SDHAF3: variants seen among roughly 807,000 people sequenced by gnomAD.
SDHAF3 encodes succinate dehydrogenase assembly factor 3, mitochondrial.
Under a neutral mutation model 11.5 loss-of-function variants are expected in SDHAF3, and 18 were observed. The observed-to-expected ratio is 1.56, with a 90% confidence interval of 1.08 to 2.32. SDHAF3 has a LOEUF of 2.32. Ranked by LOEUF, SDHAF3 falls within the 30% of genes most tolerant of loss-of-function variation. The pLI is 0.00. For missense variants in SDHAF3, 200 were observed against 154.4 expected (o/e 1.30, Z -1.57); for synonymous variants, 72 against 59.3 (o/e 1.21, Z -0.99).
At chr7:97,124,954 CCTCT>C (rs1302563634) in intron 1 of SDHAF3, among the ~76,000 whole-genome samples, 3 of 152,088 alleles carry the variant, frequency 2.0e-5, no homozygotes, top group Admixed American at 6.6e-5. Flanking sequence ...AGTTTGACTT[CCTCT>C]CTTCTTATTT....
In SDHAF3 at chr7:97,131,887, AG is replaced by A. The variant is rs564010955; in HGVS notation, c.174+13991del. 1.6e-4 allele frequency among the ~76,000 whole-genome samples: 24 copies of A among 152,332 alleles called. 2 individuals are homozygous for A. The East Asian group carries it at 3.9e-3, about 24-fold the overall frequency. ...TAAATTACTGTAGATATCCAATGAT[AG>A]AATAATGAAATTATAGCCACATGAT... On this transcript the variant is annotated intron_variant, in intron 1 of 1. Transcript: ENST00000432641.
At chr7:97,126,040 T>C (rs1791568159) in intron 1 of SDHAF3, among the ~76,000 whole-genome samples, 1 of 152,240 alleles carries the variant, frequency 6.6e-6, no homozygotes, top group South Asian at 2.1e-4. Flanking sequence ...CTGTTTGTTT[T>C]TCTTCTAATA....
intron 1 of SDHAF3, among the ~76,000 whole-genome samples, chr7:97,140,368 T>C (rs1337597740): frequency 8.3e-6 from 1 of 120,498 alleles, no homozygotes; most frequent in Non-Finnish European, 1.6e-5. Context: ...TTTTTTGAGA[T>C]GGAGTCTCGC....
chr7:97,173,361 C>G (rs1220866508), intron 1 of SDHAF3, among the ~76,000 whole-genome samples: 1 of 151,942 alleles, frequency 6.6e-6, no homozygotes, highest in East Asian at 1.9e-4. Context: ...ATATAATGAA[C>G]CACTGTGTAC....
chr7:97,177,274 G>A (rs532508564), intron 1 of SDHAF3, among the ~76,000 whole-genome samples: 23 of 151,904 alleles, frequency 1.5e-4, no homozygotes, highest in Non-Finnish European at 2.5e-4. Flanking sequence ...AGGCTGAGGC[G>A]GGTGGATCAT....
At chr7:97,169,977 T>C (rs929321692) in intron 1 of SDHAF3, among the ~76,000 whole-genome samples, 2 of 152,182 alleles carry the variant, frequency 1.3e-5, no homozygotes, top group African/African-American at 4.8e-5. Flanking sequence ...TACATTCTTA[T>C]CTAATTGGAT....
intron 1 of SDHAF3, among the ~76,000 whole-genome samples, chr7:97,140,040 A>G (rs1349737635): frequency 6.6e-6 from 1 of 152,206 alleles, no homozygotes; most frequent in Admixed American, 6.5e-5. Flanking sequence ...GACATTAAAA[A>G]CTGTGCAAAA....
chr7:97,145,151 T>G (rs949470505), intron 1 of SDHAF3, among the ~76,000 whole-genome samples: 4 of 151,998 alleles, frequency 2.6e-5, no homozygotes, highest in Non-Finnish European at 4.4e-5. Flanking sequence ...TTTGTGTACA[T>G]TAATCTAGTA....
At chr7:97,160,092 G>A (rs1028315075) in intron 1 of SDHAF3, among the ~76,000 whole-genome samples, 1 of 150,890 alleles carries the variant, frequency 6.6e-6, no homozygotes, top group African/African-American at 2.4e-5. Flanking sequence ...AGTGAGGAGC[G>A]CCTCTGCCCG....
chr7:97,163,313 T>C (rs1356263116), intron 1 of SDHAF3, among the ~76,000 whole-genome samples: 1 of 152,116 alleles, frequency 6.6e-6, no homozygotes, highest in East Asian at 1.9e-4. Flanking sequence ...AGCTAATTTT[T>C]GTGTTTTTAG....
chr7:97,154,888 A>G (rs1465930064), intron 1 of SDHAF3, among the ~76,000 whole-genome samples: 1 of 152,162 alleles, frequency 6.6e-6, no homozygotes, highest in Non-Finnish European at 1.5e-5. Flanking sequence ...GTAATTTGTT[A>G]AAAGACTATT....
chr7:97,121,843 T>G (rs1053469325), intron 1 of SDHAF3, among the ~76,000 whole-genome samples: 11 of 131,648 alleles, frequency 8.4e-5, no homozygotes, highest in African/African-American at 1.3e-4. Flanking sequence ...GTTTTTTGGT[T>G]TTTTTTTTTT....
chr7:97,132,928 T>A (rs1313705837), intron 1 of SDHAF3, among the ~76,000 whole-genome samples: 1 of 152,206 alleles, frequency 6.6e-6, no homozygotes, highest in East Asian at 1.9e-4. Context: ...GGCAGCAGAC[T>A]CACATTACTT....
intron 1 of SDHAF3, among the ~76,000 whole-genome samples, chr7:97,168,443 G>GTAAAC (rs920272382): frequency 6.6e-6 from 1 of 152,186 alleles, no homozygotes; most frequent in Non-Finnish European, 1.5e-5. Context: ...GTTTAAAACT[G>GTAAAC]TAAACTAAAT....
intron 1 of SDHAF3, among the ~76,000 whole-genome samples, chr7:97,119,527 C>T (rs1791459740): frequency 6.6e-6 from 1 of 152,168 alleles, no homozygotes; most frequent in East Asian, 1.9e-4. Context: ...TTCCCTACAT[C>T]CTGTTTCCCC....
chr7:97,172,325 A>G (rs1369992142), intron 1 of SDHAF3, among the ~76,000 whole-genome samples: 1 of 151,398 alleles, frequency 6.6e-6, no homozygotes, highest in African/African-American at 2.4e-5. Context: ...CAATCGTTAT[A>G]CCTCTTTCTA....
At chr7:97,138,365 G>A (rs34786218) in intron 1 of SDHAF3, among the ~76,000 whole-genome samples, 2,685 of 151,802 alleles carry the variant, frequency 0.018, 31 homozygotes, top group Middle Eastern at 0.045. Context: ...GTTTCACCAC[G>A]TTGGCCAGGC....
intron 1 of SDHAF3, among the ~76,000 whole-genome samples, chr7:97,143,061 G>A (rs1789079595): frequency 6.6e-6 from 1 of 151,274 alleles, no homozygotes; most frequent in African/African-American, 2.4e-5. Context: ...CACCACATCT[G>A]GCGAATTTTT....
At chr7:97,136,294 C>G (rs1791768007) in intron 1 of SDHAF3, 3 of 483,028 alleles carry the variant, frequency 6.2e-6, no homozygotes, top group South Asian at 8.2e-5. Flanking sequence ...TAAAAGAGTT[C>G]TTTTGTGAAT....
Sources: gnomAD v4.1 joint callset for allele counts (sites outside exome capture counted in the v4.1 genomes callset) on GRCh38, gnomAD v4.1.1 for gene constraint, MANE v1.5 for transcripts, NCBI Gene and HGNC (gene_info 2026-07-23, HGNC 2026-07-21) for gene names.